Variants in ADGRG6 observed in about 807,000 individuals in gnomAD.
The protein encoded by ADGRG6 is G-protein coupled receptor 126.
ADGRG6 carries 84 observed loss-of-function variants against 142.4 expected under a neutral mutation model. The ratio of observed to expected loss-of-function variants is 0.59; its 90% CI spans 0.49 to 0.71. The LOEUF (loss-of-function observed/expected upper bound fraction) is 0.71, where lower values mean the gene tolerates loss of function less well. Ranked by LOEUF, ADGRG6 falls within the 30% of genes least tolerant of loss-of-function variation. The pLI, the probability that ADGRG6 is intolerant of heterozygous loss-of-function variation, is 0.00. For synonymous variants in ADGRG6, 521 were observed against 520.5 expected (o/e 1.00, Z -0.01); for missense variants, 1,367 against 1,466.6 (o/e 0.93, Z 1.11).
intron 1 of ADGRG6, among the ~76,000 whole-genome samples, chr6:142,309,199 A>G (rs1362865869): frequency 6.6e-6 from 1 of 151,930 alleles, no homozygotes; most frequent in Non-Finnish European, 1.5e-5. Flanking sequence ...CCAGATGAAC[A>G]TGAGTCTGGT....
intron 21 of ADGRG6, 89 bp downstream of exon 21, chr6:142,417,458 T>C (rs1449221587): frequency 1.5e-6 from 1 of 671,332 alleles, no homozygotes; most frequent in Non-Finnish European, 2.6e-6. Context: ...AAGGCTTTCA[T>C]TTTAAAAGGT....
chr6:142,365,061 C>G (rs1271667483), intron 2 of ADGRG6, among the ~76,000 whole-genome samples: 1 of 152,020 alleles, frequency 6.6e-6, no homozygotes, highest in Non-Finnish European at 1.5e-5. Flanking sequence ...GCTTACTTTC[C>G]TTTATATTTT....
At chr6:142,437,180 A>G (rs1034566997) in intron 22 of ADGRG6, among the ~76,000 whole-genome samples, 3 of 152,182 alleles carry the variant, frequency 2.0e-5, no homozygotes, top group African/African-American at 4.8e-5. Context: ...TTAAGTCATA[A>G]TGAATGCTGA....
chr6:142,419,771 C>G lies in ADGRG6; in HGVS notation c.3036-50C>G, dbSNP rs1160191483. 3.5e-6 allele frequency: 5 copies of G among 1,420,970 alleles called. No individual in the cohort carries two copies. In the East Asian group the frequency reaches 1.2e-4, roughly 33 times the overall value. The allele number at this position is 1,420,970 out of a possible 1,614,324, so 88.0% of individuals were successfully genotyped here. A position where few individuals can be genotyped will look rare whatever the true frequency, so the allele number is the denominator to read the frequency against. The stretch of plus-strand genomic sequence containing the variant: ...TAAGCTGAGAAAAGTCTTAGGTAAA[C>G]AGGACATGGTAATAAATCTTTTTTT... On this transcript the variant is annotated intron_variant, in intron 21 of 24. Transcript: ENST00000367609.
At chr6:142,404,076 A>G (rs1296918010) in intron 14 of ADGRG6, 103 bp downstream of exon 14, 2 of 843,126 alleles carry the variant, frequency 2.4e-6, no homozygotes, top group Non-Finnish European at 3.9e-6. Flanking sequence ...TGGTCCATGA[A>G]GTGGCAAGGT....
chr6:142,431,107 A>T (rs1582684029), intron 22 of ADGRG6, among the ~76,000 whole-genome samples: 2 of 146,338 alleles, frequency 1.4e-5, no homozygotes, highest in Non-Finnish European at 3.0e-5. Context: ...TTTTTTTTTT[A>T]AAGCTAAGCA....
intron 2 of ADGRG6, among the ~76,000 whole-genome samples, chr6:142,320,645 A>G (rs1417400437): frequency 1.3e-5 from 2 of 152,110 alleles, no homozygotes; most frequent in East Asian, 3.8e-4. Flanking sequence ...TTGTGTTTCT[A>G]TTAATAGCAA....
chr6:142,326,432 T>A (rs959252625), intron 2 of ADGRG6, among the ~76,000 whole-genome samples: 3 of 152,012 alleles, frequency 2.0e-5, no homozygotes, highest in Admixed American at 2.0e-4. Flanking sequence ...TAACTAGAAT[T>A]TTAGAAAGAT....
At chr6:142,344,775 G>T (rs1044944926) in intron 2 of ADGRG6, among the ~76,000 whole-genome samples, 1 of 151,932 alleles carries the variant, frequency 6.6e-6, no homozygotes. Flanking sequence ...TTGCAGAAGA[G>T]ATACACAGAC....
chr6:142,380,462 A>C (rs1781720308), intron 4 of ADGRG6, among the ~76,000 whole-genome samples: 1 of 152,170 alleles, frequency 6.6e-6, no homozygotes, highest in South Asian at 2.1e-4. Context: ...AGAGGGTTCT[A>C]GTGCTCATGG....
chr6:142,344,818 C>T (rs1779816722), intron 2 of ADGRG6, among the ~76,000 whole-genome samples: 1 of 151,896 alleles, frequency 6.6e-6, no homozygotes, highest in South Asian at 2.1e-4. Context: ...TACTGATATT[C>T]AGTATGAGTC....
intron 8 of ADGRG6, 149 bp from the exon 9 acceptor site, chr6:142,393,747 T>A: frequency 1.7e-6 from 1 of 582,972 alleles, no homozygotes; most frequent in East Asian, 2.9e-5. Context: ...TTGCCTAGCT[T>A]TCTGAAAGAA....
rs551114123 is a variant in ADGRG6, at chr6:142,370,277, C to G, written c.553C>G (p.Leu185Val). ...ISIPELSAFT[L>V]CFEATKVGHE... ...TATTCCAGAGCTCAGTGCTTTCACA[C>G]TCTGCTTTGAAGCAACCAAAGTTGG... is the stretch of plus-strand genomic sequence containing the variant. Residue 185 changes from leucine to valine, a missense_variant, in exon 4 of 25, where the codon CTC becomes GTC. Around this residue, in one of 3 missense-constraint regions of ADGRG6, gnomAD observed 737 missense variants for 746.5 expected, o/e 0.99. Transcript: ENST00000367609. 2.5e-6 allele frequency: 4 copies of G among 1,613,820 alleles called. No individual in the cohort carries two copies. In the African/African-American group the frequency reaches 5.3e-5, roughly 22 times the overall value.
chr6:142,438,004 A>C, intron 23 of ADGRG6: 1 of 381,356 alleles, frequency 2.6e-6, no homozygotes, highest in Non-Finnish European at 4.6e-6. Flanking sequence ...GGATATTGAA[A>C]GTGAGATTTT....
At chr6:142,427,592 G>A (rs930128255) in intron 22 of ADGRG6, among the ~76,000 whole-genome samples, 5 of 152,014 alleles carry the variant, frequency 3.3e-5, no homozygotes, top group African/African-American at 1.2e-4. Context: ...CACATATTTG[G>A]GTATCTTTTC....
intron 2 of ADGRG6, among the ~76,000 whole-genome samples, chr6:142,334,835 A>C (rs1582997525): frequency 6.6e-6 from 1 of 152,376 alleles, no homozygotes; most frequent in Admixed American, 6.5e-5. Flanking sequence ...TTATGAAATA[A>C]GATGAACTGT....
chr6:142,397,987 A>G (rs972357992), intron 10 of ADGRG6, among the ~76,000 whole-genome samples: 2 of 152,206 alleles, frequency 1.3e-5, no homozygotes, highest in African/African-American at 4.8e-5. Context: ...CTTTAGGAAC[A>G]TATTTTGAAA....
intron 4 of ADGRG6, among the ~76,000 whole-genome samples, chr6:142,376,281 T>C (rs775739107): frequency 9.9e-5 from 15 of 152,192 alleles, no homozygotes; most frequent in Non-Finnish European, 2.1e-4. Context: ...CTAGTTTTAT[T>C]TATTTTACTG....
At chr6:142,438,968 A>G (rs1777615960) in intron 24 of ADGRG6, among the ~76,000 whole-genome samples, 1 of 152,168 alleles carries the variant, frequency 6.6e-6, no homozygotes, top group Non-Finnish European at 1.5e-5. Context: ...GTATGTGAAA[A>G]ATCCTGACGA....
Sources: allele counts gnomAD v4.1 joint callset (sites outside exome capture counted in the v4.1 genomes callset), GRCh38; gene constraint gnomAD v4.1.1; regional missense constraint gnomAD v4.1.1; transcripts MANE v1.5; gene names NCBI Gene and HGNC (gene_info 2026-07-23, HGNC 2026-07-21).